Variants in IBTK observed in about 807,000 individuals in gnomAD.
IBTK encodes inhibitor of Bruton tyrosine kinase.
Under a neutral mutation model 154.9 loss-of-function variants are expected in IBTK, and 83 were observed. That is an observed-to-expected ratio of 0.54 (90% CI 0.45 to 0.64). The LOEUF is 0.64. IBTK is among the 30% of genes least tolerant of loss of function. The probability of loss-of-function intolerance (pLI) is 0.00; values close to 1 mark genes in which losing one functional copy is unlikely to be tolerated. For missense variants in IBTK, 1,332 were observed against 1,584.6 expected (o/e 0.84, Z 2.71); for synonymous variants, 515 against 536.1 (o/e 0.96, Z 0.54).
chr6:82,218,359 T>C (rs1293793624), intron 9 of IBTK, among the ~76,000 whole-genome samples: 2 of 152,160 alleles, frequency 1.3e-5, no homozygotes, highest in South Asian at 2.1e-4. Context: ...CCTGAAGCAT[T>C]AGAAATTATT....
At chr6:82,215,731 G>A (rs1336758191) in intron 11 of IBTK, among the ~76,000 whole-genome samples, 1 of 138,750 alleles carries the variant, frequency 7.2e-6, no homozygotes. Flanking sequence ...AGGTTAGAGT[G>A]AGCCGAGATT....
At chr6:82,184,748 G>A (rs892424762) in intron 25 of IBTK, among the ~76,000 whole-genome samples, 4 of 152,116 alleles carry the variant, frequency 2.6e-5, no homozygotes, top group Non-Finnish European at 4.4e-5. Flanking sequence ...TATATTTAGA[G>A]TGCTAATTTG....
intron 20 of IBTK, 56 bp from the exon 21 acceptor site, chr6:82,200,309 G>A: frequency 1.6e-6 from 2 of 1,227,144 alleles, no homozygotes; most frequent in Non-Finnish European, 2.4e-6. Context: ...TAAGATAAAT[G>A]CACTTATTTA....
chr6:82,231,125 C>T (rs984842094), intron 4 of IBTK, among the ~76,000 whole-genome samples: 3 of 152,114 alleles, frequency 2.0e-5, no homozygotes, highest in Non-Finnish European at 4.4e-5. Flanking sequence ...GAATGACTGG[C>T]AGTTTACCAG....
chr6:82,186,683 C>T (rs1167942529), intron 25 of IBTK, among the ~76,000 whole-genome samples: 1 of 151,988 alleles, frequency 6.6e-6, no homozygotes, highest in Non-Finnish European at 1.5e-5. Context: ...AATTCAGATA[C>T]CTCTCACCTT....
chr6:82,178,260 CTT>C (rs1768188195), intron 26 of IBTK, among the ~76,000 whole-genome samples: 1 of 152,168 alleles, frequency 6.6e-6, no homozygotes, highest in South Asian at 2.1e-4. Flanking sequence ...ACAGGGCACA[CTT>C]ATAATTAAGA....
At chr6:82,229,958 C>G (rs1051578266) in intron 4 of IBTK, among the ~76,000 whole-genome samples, 1 of 152,054 alleles carries the variant, frequency 6.6e-6, no homozygotes, top group Admixed American at 6.6e-5. Flanking sequence ...TAGGTTGTGA[C>G]TTTTAGTTTA....
rs1770376812 is a variant in IBTK at position 82,228,529 on chromosome 6, T to C, written c.544-1227A>G. On this transcript the variant is annotated intron_variant, in intron 4 of 28. Transcript: ENST00000306270. ...ACATTTCATTCAATTTTATATTAAA[T>C]ATTAGAATGCCATCCTACAACTGCT... is the stretch of plus-strand genomic sequence containing the variant. 1.3e-5 allele frequency among the ~76,000 whole-genome samples: 2 copies of C among 152,178 alleles called. 1 individual carries two copies. The highest frequency in any genetic ancestry group is 4.1e-4 in the South Asian group (2 of 4,834).
At chr6:82,188,095 A>G (rs574160720) in intron 25 of IBTK, among the ~76,000 whole-genome samples, 2 of 152,310 alleles carry the variant, frequency 1.3e-5, no homozygotes, top group African/African-American at 4.8e-5. Flanking sequence ...GATAACCAAC[A>G]TATGGGGAGA....
At chr6:82,235,923 G>A (rs1482446930) in intron 2 of IBTK, among the ~76,000 whole-genome samples, 1 of 152,062 alleles carries the variant, frequency 6.6e-6, no homozygotes, top group Non-Finnish European at 1.5e-5. Context: ...ACCCAGGCTG[G>A]AGTGCAATGG....
At chr6:82,197,129 C>T (rs889736926) in intron 21 of IBTK, among the ~76,000 whole-genome samples, 2 of 152,090 alleles carry the variant, frequency 1.3e-5, no homozygotes, top group African/African-American at 4.8e-5. Flanking sequence ...ATTCACATGT[C>T]CATTTCCACA....
At chr6:82,193,052 C>A (rs1195231298) in intron 23 of IBTK, among the ~76,000 whole-genome samples, 1 of 149,792 alleles carries the variant, frequency 6.7e-6, no homozygotes, top group Non-Finnish European at 1.5e-5. Context: ...GAGCCGAGAT[C>A]GTGCCACCGC....
intron 21 of IBTK, among the ~76,000 whole-genome samples, chr6:82,197,147 A>C (rs1769018305): frequency 2.6e-5 from 4 of 152,190 alleles, no homozygotes; most frequent in Admixed American, 2.6e-4. Context: ...ACACATTTCA[A>C]ATTTATTAGA....
intron 25 of IBTK, among the ~76,000 whole-genome samples, chr6:82,183,926 C>T (rs1768413118): frequency 6.6e-6 from 1 of 152,182 alleles, no homozygotes; most frequent in Non-Finnish European, 1.5e-5. Context: ...TTCCACTATG[C>T]TATGAAGCAG....
At chr6:82,195,682 T>C (rs989982219) in intron 22 of IBTK, among the ~76,000 whole-genome samples, 3 of 152,206 alleles carry the variant, frequency 2.0e-5, no homozygotes, top group African/African-American at 4.8e-5. Flanking sequence ...ATACGTTTTG[T>C]GGATGTGTAG....
intron 16 of IBTK, among the ~76,000 whole-genome samples, chr6:82,206,241 T>C (rs1397008031): frequency 1.3e-5 from 2 of 152,176 alleles, no homozygotes; most frequent in Non-Finnish European, 2.9e-5. Context: ...GACAGCCTAG[T>C]AGCCACAGGA....
intron 1 of IBTK, among the ~76,000 whole-genome samples, chr6:82,242,854 T>C (rs1363429609): frequency 1.3e-5 from 2 of 149,894 alleles, no homozygotes; most frequent in Non-Finnish European, 3.0e-5. Context: ...GGAGAAATGC[T>C]TGAACCCAGG....
rs770200957 is a variant in IBTK, at chr6:82,181,903, T to A, written c.3701A>T (p.Asn1234Ile). The change falls in exon 26 of 29, where the codon AAT becomes ATT. Residue 1234 changes from asparagine to isoleucine, a missense_variant. Transcript: ENST00000306270. The stretch of plus-strand genomic sequence containing the variant: ...CCTGACAATTTTTGGTGCCTGAGAA[T>A]TTTCAATTCCTTTAAAAGAAACTTT... ...VKKVSFKGIE[N>I]SQAPKIVRCS... 1.3e-6 allele frequency: 2 copies of A among 1,582,062 alleles called. No individual in the cohort carries two copies. Among genetic ancestry groups the A allele is most frequent in the East Asian group, 4.5e-5 (2 of 44,194 alleles).
At chr6:82,201,312 C>G in intron 19 of IBTK, 110 bp downstream of exon 19, 1 of 595,084 alleles carries the variant, frequency 1.7e-6, no homozygotes, top group Non-Finnish European at 2.8e-6. Context: ...TTTAAAAGAT[C>G]CTAATGTACT....
Sources: allele counts gnomAD v4.1 joint callset (sites outside exome capture counted in the v4.1 genomes callset), GRCh38; gene constraint gnomAD v4.1.1; transcripts MANE v1.5; gene names NCBI Gene and HGNC (gene_info 2026-07-23, HGNC 2026-07-21).